Variants in DOCK3 observed in about 807,000 individuals in gnomAD.
DOCK3 encodes the protein dedicator of cytokinesis protein 3.
In DOCK3, 60 loss-of-function variants were observed where a neutral mutation model predicts 265.6. The ratio of observed to expected loss-of-function variants is 0.23; its 90% CI spans 0.18 to 0.28. DOCK3 has a LOEUF of 0.28. Among genes scored for constraint, DOCK3 ranks in the 10% least tolerant of loss-of-function variants. The pLI is 1.00. For synonymous variants in DOCK3, 881 were observed against 938.0 expected (o/e 0.94, Z 1.11); for missense variants, 1,981 against 2,594.3 (o/e 0.76, Z 5.14).
intron 1 of DOCK3, among the ~76,000 whole-genome samples, chr3:50,696,948 A>G (rs1266368144): frequency 6.8e-6 from 1 of 146,368 alleles, no homozygotes; most frequent in Non-Finnish European, 1.5e-5. Context: ...TTTTTTTAAG[A>G]GAGAGTCTCA....
At chr3:50,754,616 A>G (rs910003176) in intron 1 of DOCK3, among the ~76,000 whole-genome samples, 1 of 149,140 alleles carries the variant, frequency 6.7e-6, no homozygotes, top group Non-Finnish European at 1.5e-5. Context: ...CTGGGGTGCA[A>G]TGGTGTGATC....
At chr3:51,253,092 A>G (rs1478577793) in intron 22 of DOCK3, among the ~76,000 whole-genome samples, 1 of 152,206 alleles carries the variant, frequency 6.6e-6, no homozygotes, top group Admixed American at 6.5e-5. Context: ...AATTTTGTCA[A>G]AGGACTTTTC....
intron 12 of DOCK3, among the ~76,000 whole-genome samples, chr3:51,183,230 G>A (rs1037728771): frequency 3.9e-5 from 6 of 152,346 alleles, no homozygotes; most frequent in African/African-American, 1.2e-4. Flanking sequence ...AATCTGCTTT[G>A]TGAAAGTATA....
chr3:51,273,332 G>T (rs1011725935), intron 24 of DOCK3, among the ~76,000 whole-genome samples: 2 of 152,078 alleles, frequency 1.3e-5, no homozygotes, highest in African/African-American at 4.8e-5. Context: ...CTATGTAATT[G>T]GATTTTAGAT....
chr3:51,274,538 G>T (rs1383843644), intron 24 of DOCK3, among the ~76,000 whole-genome samples: 1 of 152,146 alleles, frequency 6.6e-6, no homozygotes, highest in South Asian at 2.1e-4. Context: ...AGCATTTGGG[G>T]AGGACAAGGA....
At chr3:51,075,711 A>G (rs1223597849) in intron 7 of DOCK3, among the ~76,000 whole-genome samples, 1 of 152,224 alleles carries the variant, frequency 6.6e-6, no homozygotes, top group East Asian at 1.9e-4. Context: ...AGCCTGCAGC[A>G]TAACTAAAGT....
intron 32 of DOCK3, among the ~76,000 whole-genome samples, chr3:51,322,687 A>G (rs1240668000): frequency 1.3e-5 from 2 of 152,220 alleles, no homozygotes; most frequent in East Asian, 3.8e-4. Flanking sequence ...GGTACCAGCC[A>G]CTGCAAAAAT....
chr3:50,863,280 A>G (rs929535255), intron 3 of DOCK3: 1 of 414,294 alleles, frequency 2.4e-6, no homozygotes, highest in Non-Finnish European at 4.7e-6. Context: ...GCTTATGACA[A>G]GTGCCGAACC....
At chr3:50,680,503 C>T (rs1340072986) in intron 1 of DOCK3, among the ~76,000 whole-genome samples, 3 of 142,630 alleles carry the variant, frequency 2.1e-5, no homozygotes, top group South Asian at 2.3e-4. Context: ...CATGAGCCAC[C>T]GTGCCCTGCT....
At chr3:50,984,661 G>T (rs2077827325) in intron 5 of DOCK3, among the ~76,000 whole-genome samples, 1 of 152,164 alleles carries the variant, frequency 6.6e-6, no homozygotes, top group Non-Finnish European at 1.5e-5. Flanking sequence ...ACTTCAGACT[G>T]AAAGGGACTC....
chr3:51,302,902 G>T (rs1182418441), intron 27 of DOCK3, among the ~76,000 whole-genome samples: 1 of 152,078 alleles, frequency 6.6e-6, no homozygotes, highest in Non-Finnish European at 1.5e-5. Context: ...GTGTCTTGGG[G>T]TTGATCTTCT....
intron 1 of DOCK3, among the ~76,000 whole-genome samples, chr3:50,708,183 G>T (rs1040780199): frequency 1.3e-5 from 2 of 152,172 alleles, no homozygotes; most frequent in African/African-American, 2.4e-5. Flanking sequence ...TCCTGGGATG[G>T]CATCCAGGCA....
At chr3:51,339,703 C>T (rs368007772) in intron 37 of DOCK3, among the ~76,000 whole-genome samples, 27 of 152,322 alleles carry the variant, frequency 1.8e-4, no homozygotes, top group African/African-American at 2.6e-4. Context: ...ATCGGGGTTA[C>T]GTGCATGCAT....
At chr3:51,206,729 G>T (rs1560209940) in intron 12 of DOCK3, among the ~76,000 whole-genome samples, 1 of 152,162 alleles carries the variant, frequency 6.6e-6, no homozygotes, top group African/African-American at 2.4e-5. Context: ...CCTGTGATGG[G>T]CATTAAGAAG....
At chr3:50,978,624 TG>T (rs1401412927) in intron 5 of DOCK3, among the ~76,000 whole-genome samples, 1 of 152,238 alleles carries the variant, frequency 6.6e-6, no homozygotes, top group East Asian at 1.9e-4. Flanking sequence ...CCCCCAGAGG[TG>T]GAGCCTACAG....
intron 4 of DOCK3, among the ~76,000 whole-genome samples, chr3:50,933,325 T>C (rs954591033): frequency 8.5e-5 from 13 of 152,356 alleles, no homozygotes; most frequent in African/African-American, 2.9e-4. Context: ...CTGTTCCTTT[T>C]TGTTCACTGA....
chr3:50,955,934 G>T (rs2076717159), intron 5 of DOCK3, among the ~76,000 whole-genome samples: 1 of 152,108 alleles, frequency 6.6e-6, no homozygotes, highest in African/African-American at 2.4e-5. Context: ...GAGGATGATG[G>T]TACTTTTGTT....
intron 12 of DOCK3, among the ~76,000 whole-genome samples, chr3:51,189,613 A>G (rs1243518483): frequency 6.6e-6 from 1 of 152,220 alleles, no homozygotes; most frequent in Non-Finnish European, 1.5e-5. Context: ...TTAGCCAAGT[A>G]GTATTCCATG....
At chr3:50,923,570 T>G (rs2050615023) in intron 4 of DOCK3, among the ~76,000 whole-genome samples, 1 of 152,196 alleles carries the variant, frequency 6.6e-6, no homozygotes, top group African/African-American at 2.4e-5. Flanking sequence ...TATCACTACC[T>G]TTTTAAAAAT....
Sources: gnomAD v4.1 joint callset for allele counts (sites outside exome capture counted in the v4.1 genomes callset) on GRCh38, gnomAD v4.1.1 for gene constraint, MANE v1.5 for transcripts, NCBI Gene and HGNC (gene_info 2026-07-23, HGNC 2026-07-21) for gene names.